Variants in TF observed in about 807,000 individuals in gnomAD.
The protein encoded by TF is serotransferrin.
Under a neutral mutation model 82.4 loss-of-function variants are expected in TF, and 55 were observed. That is an observed-to-expected ratio of 0.67 (90% CI 0.54 to 0.84). The LOEUF (loss-of-function observed/expected upper bound fraction) is 0.84. Among genes scored for constraint, TF ranks in the 40% least tolerant of loss-of-function variants. The pLI, the probability that TF is intolerant of heterozygous loss-of-function variation, is 0.00. For synonymous variants in TF, 332 were observed against 332.6 expected (o/e 1.00, Z 0.02); for missense variants, 737 against 868.4 (o/e 0.85, Z 1.90).
chr3:133,664,194 C>T, the TF span, among the ~76,000 whole-genome samples: 1 of 152,230 alleles, frequency 6.6e-6, no homozygotes, highest in African/African-American at 2.4e-5. Context: ...TTTGCTTGAA[C>T]AGCAGTCCTT....
At chr3:133,736,434 G>T in the TF span, among the ~76,000 whole-genome samples, 1 of 151,918 alleles carries the variant, frequency 6.6e-6, no homozygotes, top group Non-Finnish European at 1.5e-5. Context: ...ATAATGACAG[G>T]ATCAAATTCA....
the TF span, among the ~76,000 whole-genome samples, chr3:133,718,723 A>ACT: frequency 8.6e-5 from 13 of 151,468 alleles, no homozygotes; most frequent in South Asian, 2.7e-3. Context: ...CTGATGTTGG[A>ACT]GGTTCCTCAC....
intron 13 of TF, among the ~76,000 whole-genome samples, chr3:133,768,443 A>G (rs1934182158): frequency 6.6e-6 from 1 of 152,224 alleles, no homozygotes; most frequent in African/African-American, 2.4e-5. Flanking sequence ...CAATGTTTGC[A>G]TATATTTTTT....
At chr3:133,693,657 C>T in the TF span, among the ~76,000 whole-genome samples, 2 of 152,090 alleles carry the variant, frequency 1.3e-5, no homozygotes, top group African/African-American at 4.8e-5. Context: ...GGCTGGTAGC[C>T]CACCTCCTAC....
chr3:133,764,160 G>A (rs1479728771), intron 9 of TF, 22 bp from the exon 10 acceptor site: 2 of 1,609,590 alleles, frequency 1.2e-6, no homozygotes, highest in Admixed American at 1.7e-5. Flanking sequence ...TTCATCTGCT[G>A]TGATTTGCTG....
the TF span, among the ~76,000 whole-genome samples, chr3:133,714,113 C>T: frequency 1.7e-4 from 26 of 152,114 alleles, no homozygotes; most frequent in Admixed American, 3.9e-4. Context: ...GGAAGAGCAA[C>T]GTAGGATGAA....
At chr3:133,696,155 T>C in the TF span, among the ~76,000 whole-genome samples, 122 of 152,216 alleles carry the variant, frequency 8.0e-4, 1 homozygote, top group African/African-American at 2.6e-3. Flanking sequence ...CTGGGCAGAG[T>C]GACTCATGCC....
rs899084823 is a variant in TF at position 133,790,972 on chromosome 3, G to A, written c.*12352G>A. ...AAAATTTAGGGTTGGGTTCCTATTT[G>A]TTTTTGCTTCTAATTTTCATTTGTT... is the stretch of plus-strand genomic sequence containing the variant. On this transcript the variant is annotated 3_prime_UTR_variant, in exon 17 of 17. Coordinates refer to ENST00000402696, the MANE Select transcript of TF (RefSeq NM_001063.4). The A allele has an allele frequency of 1.3e-5, 2 of 152,068 alleles. No individual in the cohort carries two copies. The highest frequency in any genetic ancestry group is 2.9e-5 in the Non-Finnish European group (2 of 67,996). The allele number at this position is 152,068 out of a possible 1,614,324, so 9.4% of individuals were successfully genotyped here.
the TF span, among the ~76,000 whole-genome samples, chr3:133,681,602 G>T: frequency 2.6e-5 from 4 of 152,118 alleles, no homozygotes; most frequent in Admixed American, 2.0e-4. Flanking sequence ...CTCGCTCATT[G>T]CTAGCACAAC....
chr3:133,674,118 G>A, the TF span, among the ~76,000 whole-genome samples: 2 of 152,208 alleles, frequency 1.3e-5, no homozygotes, highest in Non-Finnish European at 2.9e-5. Flanking sequence ...GGGTATATGA[G>A]AGCGCGTGCT....
chr3:133,776,112 G>T (rs1189804754), intron 15 of TF, among the ~76,000 whole-genome samples: 1 of 152,132 alleles, frequency 6.6e-6, no homozygotes, highest in Non-Finnish European at 1.5e-5. Flanking sequence ...CCCTAACCTT[G>T]TTCAGGGGTA....
the TF span, among the ~76,000 whole-genome samples, chr3:133,674,240 A>G: frequency 6.6e-6 from 1 of 152,230 alleles, no homozygotes; most frequent in Non-Finnish European, 1.5e-5. Context: ...TCCAGGGGTC[A>G]GAAACCTGCG....
At chr3:133,736,631 C>CAAAAAATAAAAAAA in the TF span, among the ~76,000 whole-genome samples, 1 of 32,552 alleles carries the variant, frequency 3.1e-5, no homozygotes, top group Non-Finnish European at 5.4e-5. Context: ...AATGGAAAGC[C>CAAAAAATAAAAAAA]AAAAAAAAAA....
intron 14 of TF, chr3:133,774,863 T>G (rs1224916312): frequency 1.7e-4 from 9 of 52,344 alleles, no homozygotes; most frequent in African/African-American, 5.1e-4. Flanking sequence ...ATGGGTGAGT[T>G]TTTTTTTTTT....
chr3:133,683,303 C>A, the TF span, among the ~76,000 whole-genome samples: 6 of 152,152 alleles, frequency 3.9e-5, no homozygotes, highest in Non-Finnish European at 7.3e-5. Flanking sequence ...AACTAACGAG[C>A]AAAATAACCA....
At chr3:133,765,999 G>T (rs1185362463) in intron 11 of TF, among the ~76,000 whole-genome samples, 3 of 152,154 alleles carry the variant, frequency 2.0e-5, no homozygotes, top group Admixed American at 6.5e-5. Flanking sequence ...TGAATTGCTG[G>T]CTTATAACTT....
intron 15 of TF, 114 bp from the exon 16 acceptor site, chr3:133,776,935 C>A: frequency 3.2e-6 from 3 of 947,902 alleles, no homozygotes; most frequent in Non-Finnish European, 5.0e-6. Flanking sequence ...AGACATACTC[C>A]GTAGCTTCCC....
rs41295770 is a variant in TF at position 133,757,106 on chromosome 3, G to A, written c.870+97G>A. The A allele has an allele frequency of 3.4e-5, 51 of 1,519,238 alleles. No individual in the cohort carries two copies. The East Asian group carries it at 9.5e-4, about 28-fold the overall frequency. The allele number at this position is 1,519,238 out of a possible 1,614,324, so 94.1% of individuals were successfully genotyped here. A position where few individuals can be genotyped will look rare whatever the true frequency, so the allele number is the denominator to read the frequency against. On this transcript the variant is annotated intron_variant, in intron 7 of 16. Transcript: ENST00000402696. ...ATCTTGTCACTCTGGAAGTCTGTGT[G>A]TTCAGGATACAGTGGGAGCCATGCC...
the TF span, among the ~76,000 whole-genome samples, chr3:133,708,449 G>A: frequency 1.3e-5 from 2 of 152,090 alleles, no homozygotes; most frequent in East Asian, 1.9e-4. Flanking sequence ...AGTCTGTTTG[G>A]CTCAGTTCCT....
Sources: allele counts gnomAD v4.1 joint callset (sites outside exome capture counted in the v4.1 genomes callset), GRCh38; gene constraint gnomAD v4.1.1; transcripts MANE v1.5; gene names NCBI Gene and HGNC (gene_info 2026-07-23, HGNC 2026-07-21).